TCF7: variants seen among roughly 807,000 people sequenced by gnomAD.
TCF7 encodes T-cell-factor-7.
In TCF7, 19 loss-of-function variants were observed where a neutral mutation model predicts 46.8. The ratio of observed to expected loss-of-function variants is 0.41; its 90% confidence interval spans 0.28 to 0.60. The LOEUF (loss-of-function observed/expected upper bound fraction) is 0.60. TCF7 is among the 20% of genes least tolerant of loss of function. The pLI is 0.35. For synonymous variants in TCF7, 245 were observed against 213.4 expected, an observed-to-expected ratio of 1.15 and a Z score of -1.29; for missense variants, 547 against 504.6, an observed-to-expected ratio of 1.08 and a Z score of -0.81.
At chr5:134,129,420 C>T (rs192926606) in intron 3 of TCF7, among the ~76,000 whole-genome samples, 48 of 152,326 alleles carry the variant, frequency 3.2e-4, no homozygotes, top group Admixed American at 2.4e-3. Flanking sequence ...TGCCTCGGTC[C>T]ACGGTGGGCT....
rs912349139 is a variant in TCF7, at chr5:134,114,870, C to A, written c.-37C>A. ...CCGGCTCCGCGCCCCGCACTCCCGGCGCCCAGCGCCCCGCGCCCCGGCGGG... is the reference window on the plus strand; with the variant it reads ...CCGGCTCCGCGCCCCGCACTCCCGGAGCCCAGCGCCCCGCGCCCCGGCGGG... On this transcript the variant is annotated 5_prime_UTR_variant, in exon 1 of 10. Coordinates refer to ENST00000342854, the MANE Select transcript of TCF7 (RefSeq NM_003202.5). 9 of 984,556 alleles carry A rather than the reference C, an allele frequency of 9.1e-6. No homozygotes were observed. Among genetic ancestry groups the A allele is most frequent in the East Asian group, 1.1e-4 (1 of 8,832 alleles). 61.0% of individuals were successfully genotyped at this position (984,556 alleles called of 1,614,324 possible). A position where few individuals can be genotyped will look rare whatever the true frequency, so the allele number is the denominator to read the frequency against.
chr5:134,137,408 AGAGT>A (rs1759033758), intron 3 of TCF7, among the ~76,000 whole-genome samples: 1 of 145,564 alleles, frequency 6.9e-6, no homozygotes, highest in South Asian at 2.2e-4. Context: ...CCTGGGCCAC[AGAGT>A]GAGACTCTGT....
intron 8 of TCF7, 66 bp downstream of exon 8, chr5:134,143,166 A>G (rs1429034029): frequency 1.0e-5 from 15 of 1,489,360 alleles, no homozygotes; most frequent in African/African-American, 4.1e-5. Context: ...GCCCCAGGCC[A>G]CAATCTCAGT....
chr5:134,113,402 T>C (rs1755390482), upstream of TCF7, among the ~76,000 whole-genome samples: 1 of 152,168 alleles, frequency 6.6e-6, no homozygotes, highest in Non-Finnish European at 1.5e-5. Context: ...GCCTAGCTCT[T>C]TGATCCACAG....
At position 134,146,654 on chromosome 5, in the gene TCF7, C is replaced by T; in HGVS notation, c.*351C>T. 2 of 654,278 alleles carry T rather than the reference C, an allele frequency of 3.1e-6. No individual in the cohort carries two copies. The highest frequency in any genetic ancestry group is 2.7e-6 in the Non-Finnish European group (1 of 366,404). 40.5% of individuals were successfully genotyped at this position (654,278 alleles called of 1,614,324 possible). A position where few individuals can be genotyped will look rare whatever the true frequency, so the allele number is the denominator to read the frequency against. Reference sequence around the variant, plus strand: ...CAGACCCTGAAGATTTCAGAGGCTGCAGGACTTCTGCCTGAACCTGGGGTC... The same window carrying T: ...CAGACCCTGAAGATTTCAGAGGCTGTAGGACTTCTGCCTGAACCTGGGGTC... On this transcript the variant is annotated 3_prime_UTR_variant, in exon 10 of 10. Transcript: ENST00000342854.
chr5:134,125,757 C>T (rs533052304), intron 3 of TCF7, among the ~76,000 whole-genome samples: 14 of 152,302 alleles, frequency 9.2e-5, no homozygotes, highest in South Asian at 8.3e-4. Flanking sequence ...CAATGCTGGA[C>T]GAGAGTCACT....
chr5:134,123,660 GAGA>G (rs1459335761), intron 3 of TCF7: 3 of 455,712 alleles, frequency 6.6e-6, no homozygotes, highest in South Asian at 1.5e-5. Context: ...GGTGAGACTG[GAGA>G]AGAAGGTCCC....
At chr5:134,131,654 G>C (rs960599776) in intron 3 of TCF7, among the ~76,000 whole-genome samples, 2 of 152,216 alleles carry the variant, frequency 1.3e-5, no homozygotes, top group Admixed American at 6.5e-5. Flanking sequence ...CAAGCCTGCT[G>C]AGTGCAGAGC....
chr5:134,125,821 G>A (rs763841727), intron 3 of TCF7, among the ~76,000 whole-genome samples: 18 of 152,182 alleles, frequency 1.2e-4, no homozygotes, highest in Admixed American at 6.5e-4. Flanking sequence ...CCCGGTGTCC[G>A]GTGGAAAACC....
Position 134,147,925 on chromosome 5 carries a change from G to C in TCF7, c.*1622G>C, listed in dbSNP as rs540682652. On this transcript the variant is annotated 3_prime_UTR_variant, in exon 10 of 10. Transcript: ENST00000342854. ...CGGGAGGCGGAGGTTCCAGTGAGCC[G>C]AGATGGCGCTATTGCACTCCAGTCT... The C allele has an allele frequency of 7.3e-6, 1 of 137,754 alleles. No individual in the cohort carries two copies. Among genetic ancestry groups the C allele is most frequent in the East Asian group, 2.3e-4 (1 of 4,418 alleles). 8.5% of individuals were successfully genotyped at this position (137,754 alleles called of 1,614,324 possible). A position where few individuals can be genotyped will look rare whatever the true frequency, so the allele number is the denominator to read the frequency against.
chr5:134,120,593 C>T (rs553830077), intron 3 of TCF7, among the ~76,000 whole-genome samples: 7 of 152,270 alleles, frequency 4.6e-5, no homozygotes, highest in Admixed American at 2.0e-4. Context: ...TCCCTCCGCT[C>T]GGAAGTCTCT....
upstream of TCF7, among the ~76,000 whole-genome samples, chr5:134,111,141 G>A (rs1755325474): frequency 1.3e-5 from 2 of 152,214 alleles, no homozygotes; most frequent in East Asian, 3.9e-4. Flanking sequence ...GCTCAGAGAG[G>A]GTCAGCAATC....
intron 3 of TCF7, among the ~76,000 whole-genome samples, chr5:134,126,567 G>C (rs2149302700): frequency 6.6e-6 from 1 of 152,370 alleles, no homozygotes; most frequent in East Asian, 1.9e-4. Flanking sequence ...CACTTCCCAA[G>C]TGCCAGGCCT....
At chr5:134,132,234 A>G (rs28723033) in intron 3 of TCF7, among the ~76,000 whole-genome samples, 19,733 of 152,212 alleles carry the variant, frequency 0.13, 1,787 homozygotes, top group African/African-American at 0.25. Context: ...TCATAGGTCT[A>G]TGTTAGGAGT....
chr5:134,113,182 G>C (rs915100020), upstream of TCF7, among the ~76,000 whole-genome samples: 3 of 152,216 alleles, frequency 2.0e-5, no homozygotes, highest in Non-Finnish European at 4.4e-5. Context: ...ACCCTGGGAA[G>C]AGGCTGGGGA....
chr5:134,116,137 C>T (rs998514536), intron 3 of TCF7, 104 bp downstream of exon 3: 4 of 1,463,656 alleles, frequency 2.7e-6, no homozygotes, highest in East Asian at 2.5e-5. Flanking sequence ...ATAGACGAGA[C>T]TCCTGTGCTG....
At chr5:134,125,474 G>A (rs1161082873) in intron 3 of TCF7, among the ~76,000 whole-genome samples, 2 of 152,204 alleles carry the variant, frequency 1.3e-5, no homozygotes, top group African/African-American at 4.8e-5. Flanking sequence ...GCCACTGCCT[G>A]GAGCCAATTT....
chr5:134,118,541 C>A (rs1299121265), intron 3 of TCF7, among the ~76,000 whole-genome samples: 2 of 152,196 alleles, frequency 1.3e-5, no homozygotes, highest in Non-Finnish European at 2.9e-5. Flanking sequence ...CAGCTCGAAC[C>A]TTGCCCGGAG....
intron 3 of TCF7, among the ~76,000 whole-genome samples, chr5:134,130,702 G>C (rs1369272088): frequency 6.6e-6 from 1 of 152,170 alleles, no homozygotes; most frequent in Non-Finnish European, 1.5e-5. Context: ...CTGAGTCCAA[G>C]TAGTGGCCCC....
Sources: gnomAD v4.1 joint callset for allele counts (sites outside exome capture counted in the v4.1 genomes callset) on GRCh38, gnomAD v4.1.1 for gene constraint, MANE v1.5 for transcripts, NCBI Gene and HGNC (gene_info 2026-07-23, HGNC 2026-07-21) for gene names.